The following MBD5 variants were observed in gnomAD, a reference collection of about 807,000 sequenced individuals.
MBD5 encodes the protein methyl-CpG binding domain protein 5.
Under a neutral mutation model 117.3 loss-of-function variants are expected in MBD5, and 13 were observed. That is an observed-to-expected ratio of 0.11 (90% CI 0.07 to 0.18). The LOEUF (loss-of-function observed/expected upper bound fraction) is 0.18, where lower values mean the gene tolerates loss of function less well. Ranked by LOEUF, MBD5 falls within the 10% of genes least tolerant of loss-of-function variation. MBD5 has a pLI of 1.00. For synonymous variants in MBD5, 727 were observed against 766.4 expected (o/e 0.95, Z 0.85); for missense variants, 1,879 against 2,093.8 (o/e 0.90, Z 2.00).
At chr2:148,105,217 CTTTCT>C (rs1696338415) in intron 1 of MBD5, among the ~76,000 whole-genome samples, 1 of 89,028 alleles carries the variant, frequency 1.1e-5, no homozygotes, top group Non-Finnish European at 2.1e-5. Context: ...TATAACGTTT[CTTTCT>C]TTTTTTTTTT....
chr2:148,207,130 G>C (rs1201077071), intron 2 of MBD5, among the ~76,000 whole-genome samples: 1 of 152,172 alleles, frequency 6.6e-6, no homozygotes, highest in Non-Finnish European at 1.5e-5. Flanking sequence ...TGCAGGAGGG[G>C]CAAGGAGGTA....
chr2:148,272,444 AT>A (rs964119904), intron 3 of MBD5, among the ~76,000 whole-genome samples: 38 of 151,858 alleles, frequency 2.5e-4, no homozygotes, highest in African/African-American at 8.2e-4. Flanking sequence ...GTCAATACTT[AT>A]TTTTTTTGTT....
At chr2:148,177,232 T>C (rs1698413237) in intron 1 of MBD5, among the ~76,000 whole-genome samples, 1 of 152,222 alleles carries the variant, frequency 6.6e-6, no homozygotes, top group Non-Finnish European at 1.5e-5. Flanking sequence ...AGTCTAGTAA[T>C]AGTCAGTGTT....
chr2:148,204,644 A>G (rs917403724), intron 2 of MBD5, among the ~76,000 whole-genome samples: 4 of 152,218 alleles, frequency 2.6e-5, no homozygotes, highest in Admixed American at 1.3e-4. Context: ...AACATTTAGT[A>G]CCAGTTGCCA....
intron 1 of MBD5, among the ~76,000 whole-genome samples, chr2:148,143,726 G>A (rs1697374083): frequency 6.6e-6 from 1 of 152,190 alleles, no homozygotes; most frequent in African/African-American, 2.4e-5. Context: ...CCTTGCGACA[G>A]TTTGCTCAGA....
intron 3 of MBD5, among the ~76,000 whole-genome samples, chr2:148,337,444 A>G (rs1702827089): frequency 6.6e-6 from 1 of 152,240 alleles, no homozygotes; most frequent in Non-Finnish European, 1.5e-5. Context: ...ATCAGTTGAC[A>G]AAACATCTTA....
intron 1 of MBD5, among the ~76,000 whole-genome samples, chr2:148,117,325 T>TAAA (rs202242983): frequency 6.9e-6 from 1 of 143,958 alleles, no homozygotes. Context: ...CCTTTTTCAA[T>TAAA]AAAAAAAAAA....
chr2:148,102,401 AGT>A (rs1397936302), intron 1 of MBD5, among the ~76,000 whole-genome samples: 1 of 152,142 alleles, frequency 6.6e-6, no homozygotes, highest in Non-Finnish European at 1.5e-5. Flanking sequence ...AGTTCATAGG[AGT>A]GTGTGTTATT....
intron 3 of MBD5, among the ~76,000 whole-genome samples, chr2:148,271,590 G>T (rs1472868082): frequency 6.6e-6 from 1 of 151,902 alleles, no homozygotes; most frequent in East Asian, 1.9e-4. Context: ...AAAATAATTT[G>T]TTTTGCCTAT....
At chr2:148,486,238 C>T (rs1021653300) in intron 10 of MBD5, among the ~76,000 whole-genome samples, 2 of 152,078 alleles carry the variant, frequency 1.3e-5, no homozygotes, top group South Asian at 4.1e-4. Flanking sequence ...ATGACTGAGA[C>T]TCACCTCCCT....
In MBD5 at chr2:148,235,336, C is replaced by T. The variant is rs1700068745; in HGVS notation, c.-680+1941C>T. On this transcript the variant is annotated intron_variant, in intron 3 of 13. Transcript: ENST00000642680. ...TACATTTCCTTTCCTAACTCATCCA[C>T]ACATATATTATTTTGAGCTTCAGTT... 2.6e-5 allele frequency among the ~76,000 whole-genome samples: 4 copies of T among 152,248 alleles called. 1 individual carries two copies. The South Asian group carries it at 8.3e-4, about 32-fold the overall frequency.
chr2:148,218,046 G>C (rs1699599889), intron 2 of MBD5, among the ~76,000 whole-genome samples: 1 of 152,154 alleles, frequency 6.6e-6, no homozygotes, highest in Admixed American at 6.5e-5. Context: ...TTTAATATGT[G>C]CCAGATCACT....
chr2:148,220,512 G>C (rs1006025791), intron 2 of MBD5, among the ~76,000 whole-genome samples: 1 of 152,094 alleles, frequency 6.6e-6, no homozygotes, highest in Non-Finnish European at 1.5e-5. Context: ...CAAAAAGCTT[G>C]GGAAACTGGA....
intron 3 of MBD5, among the ~76,000 whole-genome samples, chr2:148,274,582 T>C (rs4972344): frequency 0.94 from 143,234 of 152,246 alleles, 67,957 homozygotes; most frequent in East Asian, 1. Context: ...AAGTCCTAAT[T>C]TTTTAAGAAG....
rs1005903537 is a variant in MBD5 at position 148,270,010 on chromosome 2, T to A, written c.-680+36615T>A. Among the ~76,000 whole-genome samples, 12 of 152,134 alleles carry A rather than the reference T, an allele frequency of 7.9e-5. No homozygotes were observed. The East Asian group carries it at 2.3e-3, about 29-fold the overall frequency. ...TTTCATATTTCATGCTTATTCTTTC[T>A]TTAAGATATCCTCCTCTTGTTCATG... On this transcript the variant is annotated intron_variant, in intron 3 of 13. Coordinates refer to ENST00000642680, the MANE Select transcript of MBD5 (RefSeq NM_001378120.1).
At chr2:148,455,810 T>C (rs1401486988) in intron 4 of MBD5, among the ~76,000 whole-genome samples, 2 of 149,510 alleles carry the variant, frequency 1.3e-5, no homozygotes, top group Non-Finnish European at 3.0e-5. Flanking sequence ...AAAATGGGAA[T>C]GGGCCCAGTG....
rs142854873 is a variant in MBD5 at position 148,369,176 on chromosome 2, C to A, written c.-557+26840C>A. Reference sequence around the variant, plus strand: ...CTACATTCTTCAAAAGTGCCAAAGTCATGAAAAAGAAAGACTAAGTAGTGG... The same window carrying A: ...CTACATTCTTCAAAAGTGCCAAAGTAATGAAAAAGAAAGACTAAGTAGTGG... On this transcript the variant is annotated intron_variant, in intron 4 of 13. Transcript: ENST00000642680. Among the ~76,000 whole-genome samples the A allele has an allele frequency of 3.9e-4, 58 of 149,784 alleles. No homozygotes were observed. The East Asian group carries it at 0.011, about 29-fold the overall frequency.
At chr2:148,486,988 CA>C (rs1382181725) in intron 10 of MBD5, among the ~76,000 whole-genome samples, 2 of 152,110 alleles carry the variant, frequency 1.3e-5, no homozygotes, top group Non-Finnish European at 2.9e-5. Flanking sequence ...AAGCACATAT[CA>C]AAATGTTCAG....
intron 3 of MBD5, among the ~76,000 whole-genome samples, chr2:148,260,892 A>G (rs144264568): frequency 7.0e-4 from 107 of 152,352 alleles, no homozygotes; most frequent in African/African-American, 2.2e-3. Flanking sequence ...CGTGGGCTAC[A>G]GAATAGCTAT....
Sources: gnomAD v4.1 joint callset for allele counts (sites outside exome capture counted in the v4.1 genomes callset) on GRCh38, gnomAD v4.1.1 for gene constraint, MANE v1.5 for transcripts, NCBI Gene and HGNC (gene_info 2026-07-23, HGNC 2026-07-21) for gene names.